Variants in B4GALNT3 observed in about 807,000 individuals in gnomAD.
The protein encoded by B4GALNT3 is beta-1,4-N-acetyl-galactosaminyltransferase 3, also known as beta-1,4-N-acetylgalactosaminyltransferase 3.
A neutral mutation model predicts 120.2 loss-of-function variants in B4GALNT3; 86 were observed. The ratio of observed to expected loss-of-function variants is 0.72; its 90% CI spans 0.60 to 0.86. B4GALNT3 has a LOEUF of 0.86. B4GALNT3 is among the 40% of genes least tolerant of loss of function. The probability of loss-of-function intolerance (pLI) is 0.00; values close to 1 mark genes in which losing one functional copy is unlikely to be tolerated. For missense variants in B4GALNT3, 1,167 were observed against 1,298.9 expected (o/e 0.90, Z 1.56); for synonymous variants, 518 against 510.4 (o/e 1.01, Z -0.20).
Position 549,872 on chromosome 12 carries a change from T to G in B4GALNT3, c.957T>G (p.Ala319=). ...NALPRDEQPP[A]DMLRPDPRDT... ...TTCCCAGGGATGAGCAGCCGCCCGC[T>G]GACATGCTTCGGCCTGACCCCCGGG... Residue 319 remains alanine (A), a synonymous_variant, in exon 10 of 20, where the codon GCT becomes GCG. Coordinates refer to ENST00000266383, the MANE Select transcript of B4GALNT3 (RefSeq NM_173593.4). 1 of 1,613,640 alleles carries G rather than the reference T, an allele frequency of 6.2e-7. No individual in the cohort carries two copies. The highest frequency in any genetic ancestry group is 8.5e-7 in the Non-Finnish European group (1 of 1,180,006).
At position 548,107 on chromosome 12, in the gene B4GALNT3, G is replaced by A; in HGVS notation, c.786+5G>A. On this transcript the variant is annotated splice_donor_5th_base_variant and intron_variant, in intron 8 of 19. Coordinates refer to ENST00000266383, the MANE Select transcript of B4GALNT3 (RefSeq NM_173593.4). This position sits in a 1 kb window ranked among gnomAD's most constrained non-coding sequence, Gnocchi z 4.9. ...ACCGACCACGTGGAAGTTGCAGTGAGTTTCCTGCTGCTCCCGCCTCTCCCA... is the reference window on the plus strand; with the variant it reads ...ACCGACCACGTGGAAGTTGCAGTGAATTTCCTGCTGCTCCCGCCTCTCCCA... 6.2e-7 allele frequency: 1 copy of A among 1,612,968 alleles called. No homozygotes were observed. The highest frequency in any genetic ancestry group is 1.3e-5 in the African/African-American group (1 of 75,028).
rs537687412 is a variant in B4GALNT3 at position 548,833 on chromosome 12, G to C, written c.853+536G>C. On this transcript the variant is annotated intron_variant, in intron 9 of 19. Transcript: ENST00000266383. This position sits in a 1 kb window ranked among gnomAD's most constrained non-coding sequence, Gnocchi z 4.9. ...GATCGCTTGAGCCCAGGAGTTCGAA[G>C]CTGAAGCTACAGTGAGCTGTAATTG... 2.0e-5 allele frequency among the ~76,000 whole-genome samples: 3 copies of C among 152,348 alleles called. No homozygotes were observed. In the East Asian group the frequency reaches 5.8e-4, roughly 29 times the overall value.
intron 1 of B4GALNT3, among the ~76,000 whole-genome samples, chr12:525,939 C>T (rs749128624): frequency 1.1e-4 from 17 of 152,346 alleles, no homozygotes; most frequent in Non-Finnish European, 2.4e-4. Context: ...GTGTGCAGAA[C>T]ATTCTGCCTG....
chr12:480,259 A>T (rs1946226452), intron 1 of B4GALNT3, among the ~76,000 whole-genome samples: 1 of 152,168 alleles, frequency 6.6e-6, no homozygotes, highest in African/African-American at 2.4e-5. Flanking sequence ...AAAAGGAAAA[A>T]ACATAAGTCC....
intron 1 of B4GALNT3, among the ~76,000 whole-genome samples, chr12:506,722 C>T (rs572536705): frequency 5.1e-4 from 78 of 152,208 alleles, no homozygotes; most frequent in Non-Finnish European, 9.9e-4. Flanking sequence ...CTGCAAGCTC[C>T]GCCTCCCGGG....
intron 1 of B4GALNT3, among the ~76,000 whole-genome samples, chr12:521,648 C>T (rs538976901): frequency 4.6e-5 from 7 of 152,292 alleles, no homozygotes; most frequent in East Asian, 1.9e-4. Flanking sequence ...TCCCGGTATG[C>T]GGCTTGCTCA....
In B4GALNT3 at chr12:511,438, C is replaced by CCTTCCACCTT. The variant is rs1565597889; in HGVS notation, c.170-23726_170-23717dup. Reference sequence around the variant, plus strand: ...ACCTTCCACCTTCCACCTTCTTCCACCTTCCACCTTCCACCTTCTTCCACC... The same window carrying CCTTCCACCTT: ...ACCTTCCACCTTCCACCTTCTTCCACCTTCCACCTTCTTCCACCTTCCACCTTCTTCCACC... On this transcript the variant is annotated intron_variant, in intron 1 of 19. Coordinates refer to ENST00000266383, the MANE Select transcript of B4GALNT3 (RefSeq NM_173593.4). 3.4e-3 allele frequency among the ~76,000 whole-genome samples: 203 copies of CCTTCCACCTT among 59,446 alleles called. 15 individuals carry two copies. The highest frequency in any genetic ancestry group is 8.1e-3 in the Middle Eastern group (1 of 124). 39.0% of individuals were successfully genotyped at this position (59,446 alleles called of 152,430 possible).
chr12:486,008 T>G (rs78107234), intron 1 of B4GALNT3, among the ~76,000 whole-genome samples: 2,545 of 152,160 alleles, frequency 0.017, 63 homozygotes, highest in South Asian at 0.1. Context: ...AAACCTAAAC[T>G]GTAATTGATG....
At chr12:507,338 C>T (rs182517415) in intron 1 of B4GALNT3, among the ~76,000 whole-genome samples, 142 of 152,338 alleles carry the variant, frequency 9.3e-4, no homozygotes, top group Middle Eastern at 3.4e-3. Context: ...CCTTTTAACT[C>T]ACCACAGTGT....
chr12:524,275 C>G (rs1207698548), intron 1 of B4GALNT3, among the ~76,000 whole-genome samples: 2 of 152,190 alleles, frequency 1.3e-5, no homozygotes, highest in Non-Finnish European at 2.9e-5. Context: ...TTATCACTAC[C>G]AAGGACAGGT....
chr12:554,405 A>G (rs966666224), intron 14 of B4GALNT3, among the ~76,000 whole-genome samples: 5 of 152,244 alleles, frequency 3.3e-5, no homozygotes, highest in African/African-American at 1.2e-4. Flanking sequence ...GTTTTCATTC[A>G]TCCATTCATT....
At chr12:525,538 A>T (rs1565602680) in intron 1 of B4GALNT3, among the ~76,000 whole-genome samples, 1 of 151,760 alleles carries the variant, frequency 6.6e-6, no homozygotes, top group Admixed American at 6.6e-5. Flanking sequence ...CTCTTTTTCC[A>T]ATCTTCAGTT....
chr12:531,449 G>C (rs1475903000), intron 1 of B4GALNT3, among the ~76,000 whole-genome samples: 1 of 152,054 alleles, frequency 6.6e-6, no homozygotes, highest in Non-Finnish European at 1.5e-5. Flanking sequence ...AGGAGTTCAA[G>C]ACCAACCTGG....
chr12:550,991 T>C lies in B4GALNT3; in HGVS notation c.1067T>C (p.Val356Ala), dbSNP rs1947075900. The C allele has an allele frequency of 6.8e-6, 11 of 1,614,048 alleles. No individual in the cohort carries two copies. The East Asian group carries it at 2.5e-4, about 36-fold the overall frequency. The change falls in exon 11 of 20, where the codon GTG (valine) becomes GCG (alanine). Residue 356 changes from valine to alanine, a missense_variant. By Grantham distance (64) the Val-to-Ala change is moderately conservative (BLOSUM62 0). Coordinates refer to ENST00000266383, the MANE Select transcript of B4GALNT3 (RefSeq NM_173593.4). The surrounding 1 kb of genome is among the most constrained non-coding windows in gnomAD (Gnocchi z 4.1). The part of the protein sequence containing the change: ...PDCPYKPSYL[V>A]DGLPLQRYQG... ...TGTCCCTACAAACCCAGCTATCTGG[T>C]GGATGGGCTTCCTCTGCAGCGCTAC...
At chr12:511,445 CCTTCCA>C (rs1946557162) in intron 1 of B4GALNT3, among the ~76,000 whole-genome samples, 1 of 73,568 alleles carries the variant, frequency 1.4e-5, no homozygotes, top group Non-Finnish European at 2.5e-5. Context: ...CCACCTTCCA[CCTTCCA>C]CCTTCTTCCA....
chr12:466,897 C>T (rs1383545046), intron 1 of B4GALNT3, among the ~76,000 whole-genome samples: 2 of 152,062 alleles, frequency 1.3e-5, no homozygotes, highest in African/African-American at 4.8e-5. Flanking sequence ...GTACGGAAAG[C>T]TTGATGAGCA....
chr12:507,567 C>A (rs1226406691), intron 1 of B4GALNT3, among the ~76,000 whole-genome samples: 1 of 152,210 alleles, frequency 6.6e-6, no homozygotes, highest in East Asian at 1.9e-4. Flanking sequence ...TTGTGGCGAC[C>A]CTTCACCCCA....
intron 1 of B4GALNT3, among the ~76,000 whole-genome samples, chr12:510,605 G>T (rs1422948782): frequency 6.0e-5 from 9 of 150,588 alleles, no homozygotes; most frequent in Non-Finnish European, 1.0e-4. Context: ...TAAGTAAACG[G>T]TCTGGGTACA....
At chr12:512,238 A>G (rs1946586442) in intron 1 of B4GALNT3, among the ~76,000 whole-genome samples, 2 of 48,856 alleles carry the variant, frequency 4.1e-5, no homozygotes, top group South Asian at 8.5e-4. Flanking sequence ...TCCACCTTCC[A>G]CCTTCCACCT....
Sources: allele counts gnomAD v4.1 joint callset (sites outside exome capture counted in the v4.1 genomes callset), GRCh38; gene constraint gnomAD v4.1.1; non-coding constraint Gnocchi (gnomAD v3.1); transcripts MANE v1.5; gene names NCBI Gene and HGNC (gene_info 2026-07-23, HGNC 2026-07-21).